CHLSN: variants seen among roughly 807,000 people sequenced by gnomAD.
CHLSN encodes the protein protein cholesin.
At chr7:1,101,485 C>G in the CHLSN span, among the ~76,000 whole-genome samples, 1 of 152,212 alleles carries the variant, frequency 6.6e-6, no homozygotes, top group Admixed American at 6.5e-5. Flanking sequence ...GAACATGACA[C>G]AGTGAGCGGC....
chr7:1,088,042 C>T, the CHLSN span: 1 of 152,314 alleles, frequency 6.6e-6, no homozygotes, highest in Non-Finnish European at 1.5e-5. The surrounding 1 kb of genome is among the most constrained non-coding windows in gnomAD (Gnocchi z 4.5). Flanking sequence ...CGCCCAGAGC[C>T]TGGCCAGAGA....
the CHLSN span, among the ~76,000 whole-genome samples, chr7:994,309 C>T: frequency 4.9e-4 from 75 of 152,116 alleles, no homozygotes; most frequent in African/African-American, 1.6e-3. Flanking sequence ...TACAGGCGCC[C>T]ACCACCACAC....
chr7:1,007,047 G>T, the CHLSN span, among the ~76,000 whole-genome samples: 1 of 152,222 alleles, frequency 6.6e-6, no homozygotes, highest in Non-Finnish European at 1.5e-5. Context: ...CCCCACGGGC[G>T]CTGGGTCGAC....
At chr7:997,888 G>A in the CHLSN span, 1 of 1,319,478 alleles carries the variant, frequency 7.6e-7, no homozygotes, top group Non-Finnish European at 1.1e-6. Context: ...TGCAGCCAAG[G>A]ACACCCGGGC....
chr7:1,070,850 A>G, the CHLSN span, among the ~76,000 whole-genome samples: 1 of 136,554 alleles, frequency 7.3e-6, no homozygotes, highest in Non-Finnish European at 1.6e-5. Context: ...ACGCGTGCAC[A>G]CGGACATGCA....
chr7:1,019,607 G>A, the CHLSN span, among the ~76,000 whole-genome samples: 1 of 152,260 alleles, frequency 6.6e-6, no homozygotes, highest in South Asian at 2.1e-4. Flanking sequence ...GCTGCCCTGT[G>A]GGCAGAGGGG....
the CHLSN span, among the ~76,000 whole-genome samples, chr7:1,091,103 GGGCCT>G: frequency 3.3e-5 from 5 of 152,166 alleles, no homozygotes; most frequent in African/African-American, 1.2e-4. Context: ...ATTGCTTCCT[GGGCCT>G]GCTCTGTGGC....
chr7:1,019,379 A>G, the CHLSN span, among the ~76,000 whole-genome samples: 2 of 152,228 alleles, frequency 1.3e-5, no homozygotes, highest in Admixed American at 1.3e-4. Context: ...TCCTGCCCCC[A>G]TGCCAGGTTG....
chr7:1,034,004 A>G, the CHLSN span, among the ~76,000 whole-genome samples: 8 of 152,090 alleles, frequency 5.3e-5, no homozygotes, highest in Non-Finnish European at 1.0e-4. Flanking sequence ...AAGAAATATA[A>G]CTCTCTGTAT....
chr7:1,065,647 G>A, the CHLSN span, among the ~76,000 whole-genome samples: 16 of 152,218 alleles, frequency 1.1e-4, no homozygotes, highest in African/African-American at 3.4e-4. Context: ...ACGAGGGCCG[G>A]GTCTGGGAGG....
chr7:990,794 G>T, the CHLSN span, among the ~76,000 whole-genome samples: 1 of 152,042 alleles, frequency 6.6e-6, no homozygotes, highest in Non-Finnish European at 1.5e-5. Context: ...GAAAGAACGG[G>T]GTCCTGGCGC....
chr7:1,080,167 A>G, the CHLSN span, among the ~76,000 whole-genome samples: 1 of 152,250 alleles, frequency 6.6e-6, no homozygotes, highest in African/African-American at 2.4e-5. Context: ...ATGAAGCTAA[A>G]TGTGCACACA....
the CHLSN span, chr7:984,500 C>T: frequency 7.7e-6 from 12 of 1,552,518 alleles, no homozygotes; most frequent in African/African-American, 8.2e-5. Flanking sequence ...GTCAAAGAGG[C>T]GCTGGCGGGC....
the CHLSN span, among the ~76,000 whole-genome samples, chr7:1,053,218 G>A: frequency 6.6e-6 from 1 of 152,252 alleles, no homozygotes; most frequent in African/African-American, 2.4e-5. Flanking sequence ...ACCCGCCTGG[G>A]CCAGGCCAGG....
At chr7:990,347 C>T in the CHLSN span, among the ~76,000 whole-genome samples, 32 of 61,254 alleles carry the variant, frequency 5.2e-4, no homozygotes, top group South Asian at 9.6e-4. Context: ...GTGCTGGGGG[C>T]GGTGTGGTCG....
At chr7:993,268 C>A in the CHLSN span, among the ~76,000 whole-genome samples, 11 of 152,192 alleles carry the variant, frequency 7.2e-5, no homozygotes, top group South Asian at 2.1e-4. Context: ...CACTGGAGGG[C>A]GCATGGCACA....
At chr7:1,098,823 G>A in the CHLSN span, among the ~76,000 whole-genome samples, 21 of 152,378 alleles carry the variant, frequency 1.4e-4, no homozygotes, top group East Asian at 3.5e-3. Context: ...TGCCGGGGCT[G>A]GGGTGAGCGG....
chr7:1,087,253 C>T, the CHLSN span: 1 of 152,232 alleles, frequency 6.6e-6, no homozygotes, highest in Non-Finnish European at 1.5e-5. Flanking sequence ...AGGTAAGTTC[C>T]GACGCTTCTG....
At chr7:1,033,462 G>A in the CHLSN span, among the ~76,000 whole-genome samples, 4 of 152,028 alleles carry the variant, frequency 2.6e-5, no homozygotes, top group African/African-American at 9.7e-5. Context: ...GGAAGCTGAG[G>A]TAGGAGAATC....
Sources: allele counts gnomAD v4.1 joint callset (sites outside exome capture counted in the v4.1 genomes callset), GRCh38; gene constraint gnomAD v4.1.1; non-coding constraint Gnocchi (gnomAD v3.1); transcripts MANE v1.5; gene names NCBI Gene and HGNC (gene_info 2026-07-23, HGNC 2026-07-21).